The following GPD1 variants were observed in gnomAD, a reference collection of about 807,000 sequenced individuals.
The protein encoded by GPD1 is glycerol-3-phosphate dehydrogenase 1.
In GPD1, 19 loss-of-function variants were observed where a neutral mutation model predicts 34.4. The observed-to-expected ratio is 0.55, with a 90% confidence interval of 0.39 to 0.81. GPD1 has a LOEUF of 0.81. GPD1 is among the 30% of genes least tolerant of loss of function. The probability of loss-of-function intolerance (pLI) is 0.00; values close to 1 mark genes in which losing one functional copy is unlikely to be tolerated. For synonymous variants in GPD1, 172 were observed against 174.1 expected (o/e 0.99, Z 0.09); for missense variants, 429 against 447.0 (o/e 0.96, Z 0.36).
chr12:50,110,137 GT>G lies in GPD1; in HGVS notation c.*620del, dbSNP rs1951012146. The G allele has an allele frequency of 6.5e-6, 1 of 152,726 alleles. No homozygotes were observed. The highest frequency in any genetic ancestry group is 2.4e-5 in the African/African-American group (1 of 41,500). The allele number at this position is 152,726 out of a possible 1,614,324, so 9.5% of individuals were successfully genotyped here. A position where few individuals can be genotyped will look rare whatever the true frequency, so the allele number is the denominator to read the frequency against. On this transcript the variant is annotated 3_prime_UTR_variant, in exon 8 of 8. Transcript: ENST00000301149. The stretch of plus-strand genomic sequence containing the variant: ...ACATCTGTGTCCTCAGAAACCTCTG[GT>G]TCTCCCCCTTCCCCCTCCCCCAGGC...
chr12:50,104,484 GGCTGCTGTGAGATCCTGAGGTGGGGC>G (rs748773643), intron 1 of GPD1, 64 bp from the exon 2 acceptor site: 196 of 973,342 alleles, frequency 2.0e-4, no homozygotes, highest in Admixed American at 6.5e-4. Flanking sequence ...CAGCCTGGGG[GGCTGCTGTGAGATCCTGAGGTGGGGC>G]GCTGCCCCAA....
intron 5 of GPD1, 142 bp from the exon 6 acceptor site, chr12:50,107,425 G>C: frequency 1.3e-6 from 1 of 773,934 alleles, no homozygotes; most frequent in East Asian, 2.5e-5. Context: ...AAACCAAGAG[G>C]CGGAAGTAGG....
In GPD1 at chr12:50,109,734, T is replaced by A. The variant is rs1268066763; in HGVS notation, c.*215T>A. 1.8e-6 allele frequency: 1 copy of A among 551,098 alleles called. No homozygotes were observed. The highest frequency in any genetic ancestry group is 3.0e-5 in the East Asian group (1 of 33,380). 34.1% of individuals were successfully genotyped at this position (551,098 alleles called of 1,614,324 possible). A position where few individuals can be genotyped will look rare whatever the true frequency, so the allele number is the denominator to read the frequency against. On this transcript the variant is annotated 3_prime_UTR_variant, in exon 8 of 8. Coordinates refer to ENST00000301149, the MANE Select transcript of GPD1 (RefSeq NM_005276.4). ...CTCATGCCACCACATTTGCCAGAAA[T>A]GCAGTTGCCCTGTCCCTCTCCAGAT...
In GPD1 at chr12:50,107,915, T is replaced by G. The variant is rs1950994084; in HGVS notation, c.847-109T>G. The G allele has an allele frequency of 1.9e-5, 19 of 1,002,368 alleles. No individual in the cohort carries two copies. In the South Asian group the frequency reaches 2.5e-4, roughly 13 times the overall value. 62.1% of individuals were successfully genotyped at this position (1,002,368 alleles called of 1,614,324 possible). A position where few individuals can be genotyped will look rare whatever the true frequency, so the allele number is the denominator to read the frequency against. ...ATTAAGACTGTTGTGCACATCCCCA[T>G]CCCTCTTTTCCTCCCAAGACCCCAC... is the stretch of plus-strand genomic sequence containing the variant. On this transcript the variant is annotated intron_variant, in intron 6 of 7. Coordinates refer to ENST00000301149, the MANE Select transcript of GPD1 (RefSeq NM_005276.4).
chr12:50,104,153 G>A, intron 1 of GPD1, 62 bp downstream of exon 1: 3 of 1,475,676 alleles, frequency 2.0e-6, no homozygotes, highest in Non-Finnish European at 1.9e-6. Context: ...AGGTGGGTAG[G>A]AGGCAGAATG....
intron 5 of GPD1, chr12:50,107,361 C>A (rs1010279700): frequency 1.6e-5 from 11 of 696,206 alleles, no homozygotes; most frequent in Admixed American, 6.0e-5. Flanking sequence ...CAGAAAATGT[C>A]CTCGAGGAGG....
intron 1 of GPD1, 78 bp downstream of exon 1, chr12:50,104,169 G>C (rs923065590): frequency 5.3e-6 from 7 of 1,331,140 alleles, no homozygotes; most frequent in Admixed American, 1.7e-5. Flanking sequence ...GAATGGGTGG[G>C]AAAGGCCCTC....
chr12:50,105,858 G>A (rs1353514038), intron 3 of GPD1, 170 bp downstream of exon 3: 1 of 744,844 alleles, frequency 1.3e-6, no homozygotes, highest in Non-Finnish European at 2.4e-6. Context: ...AGGTGCTGGG[G>A]GTCACTGGAA....
chr12:50,108,562 AAGAC>A, intron 7 of GPD1, among the ~76,000 whole-genome samples: 1 of 152,230 alleles, frequency 6.6e-6, no homozygotes, highest in Middle Eastern at 3.4e-3. Context: ...CGTTTTCAGA[AAGAC>A]AGCGGGGGTG....
intron 3 of GPD1, 74 bp from the exon 4 acceptor site, chr12:50,106,214 G>A: frequency 7.5e-7 from 1 of 1,327,018 alleles, no homozygotes; most frequent in Non-Finnish European, 1.0e-6. Flanking sequence ...GGATTTGGAA[G>A]GGACAGAATT....
intron 7 of GPD1, among the ~76,000 whole-genome samples, chr12:50,108,946 C>T (rs1345866240): frequency 1.3e-5 from 2 of 151,940 alleles, no homozygotes; most frequent in Non-Finnish European, 1.5e-5. Context: ...CTCAGCCTGA[C>T]CAACATGGTG....
chr12:50,104,152 G>C, intron 1 of GPD1, 61 bp downstream of exon 1: 1 of 1,508,022 alleles, frequency 6.6e-7, no homozygotes, highest in Non-Finnish European at 9.2e-7. Context: ...GAGGTGGGTA[G>C]GAGGCAGAAT....
rs1293067030 is a variant in GPD1 at position 50,109,676 on chromosome 12, C to T, written c.*157C>T. ...GAGGCTATGGGGCCCAGCTACGCAC[C>T]TGGAGATCCTGAACTGTCAAGCCAC... is the stretch of plus-strand genomic sequence containing the variant. On this transcript the variant is annotated 3_prime_UTR_variant, in exon 8 of 8. Coordinates refer to ENST00000301149, the MANE Select transcript of GPD1 (RefSeq NM_005276.4). 1 of 588,752 alleles carries T rather than the reference C, an allele frequency of 1.7e-6. No individual in the cohort carries two copies. Among genetic ancestry groups the T allele is most frequent in the African/African-American group, 1.9e-5 (1 of 53,694 alleles). 36.5% of individuals were successfully genotyped at this position (588,752 alleles called of 1,614,324 possible).
In GPD1 at chr12:50,107,770, AG is replaced by A. The variant is rs1446604016; in HGVS notation, c.817del (p.Val273TrpfsTer20). The A allele has an allele frequency of 5.0e-6, 8 of 1,613,954 alleles. No homozygotes were observed. The highest frequency in any genetic ancestry group is 6.8e-6 in the Non-Finnish European group (8 of 1,179,828). ...CCTGCTATGGAGGGCGGAACCGGAAAGTGGCTGAGGCCTTTGCGCGTACAGG... is the reference window on the plus strand; with the variant it reads ...CCTGCTATGGAGGGCGGAACCGGAAATGGCTGAGGCCTTTGCGCGTACAGG... ...TTCYGGRNRK[V>X]AEAFARTGKS... is the part of the protein sequence containing the mutation. On this transcript the variant is annotated frameshift_variant, in exon 6 of 8. Transcript: ENST00000301149. LOFTEE classifies it high-confidence loss of function.
chr12:50,107,303 A>G, intron 5 of GPD1: 1 of 665,648 alleles, frequency 1.5e-6, no homozygotes. Context: ...GGGCTGTACA[A>G]TGGAATGGTC....
At chr12:50,109,400 G>C (rs766360200) in intron 7 of GPD1, 23 bp from the exon 8 acceptor site, 1 of 1,252,610 alleles carries the variant, frequency 8.0e-7, no homozygotes, top group South Asian at 1.2e-5. Flanking sequence ...AGGCTAAGCT[G>C]AGCCTTTCCC....
chr12:50,106,202 A>G, intron 3 of GPD1, 86 bp from the exon 4 acceptor site: 2 of 1,232,502 alleles, frequency 1.6e-6, no homozygotes, highest in Non-Finnish European at 1.1e-6. Flanking sequence ...CAGATGAGCA[A>G]TGGATTTGGA....
At chr12:50,105,309 G>A in intron 2 of GPD1, 1 of 564,734 alleles carries the variant, frequency 1.8e-6, no homozygotes. Context: ...GAGAGTGCTG[G>A]GATGAGGTTT....
At chr12:50,106,455 A>G (rs756080141) in intron 4 of GPD1, 29 bp downstream of exon 4, 4 of 1,599,720 alleles carry the variant, frequency 2.5e-6, no homozygotes, top group Non-Finnish European at 2.6e-6. Flanking sequence ...CTGCATACAC[A>G]GTGCATCTAG....
Sources: allele counts gnomAD v4.1 joint callset (sites outside exome capture counted in the v4.1 genomes callset), GRCh38; gene constraint gnomAD v4.1.1; transcripts MANE v1.5; gene names NCBI Gene and HGNC (gene_info 2026-07-23, HGNC 2026-07-21).